Variants in AOPEP observed in about 807,000 individuals in gnomAD.
The protein encoded by AOPEP is aminopeptidase O (putative).
In AOPEP, 77 loss-of-function variants were observed where a neutral mutation model predicts 98.1. The observed-to-expected ratio is 0.78, with a 90% confidence interval of 0.65 to 0.95. The LOEUF (loss-of-function observed/expected upper bound fraction) is 0.95. Among genes scored for constraint, AOPEP ranks in the 40% least tolerant of loss-of-function variants. The probability of loss-of-function intolerance (pLI) is 0.00; values close to 1 mark genes in which losing one functional copy is unlikely to be tolerated. For missense variants in AOPEP, 1,024 were observed against 1,024.7 expected (o/e 1.00, Z 0.01); for synonymous variants, 346 against 365.3 (o/e 0.95, Z 0.60).
the AOPEP span, chr9:95,111,558 G>GTAAT: frequency 6.2e-7 from 1 of 1,614,198 alleles, no homozygotes. Context: ...GCCGACATCA[G>GTAAT]TAATTGCTCT....
At chr9:95,112,196 T>C in the AOPEP span, among the ~76,000 whole-genome samples, 1 of 152,246 alleles carries the variant, frequency 6.6e-6, no homozygotes, top group Non-Finnish European at 1.5e-5. Context: ...ATACTTGTTT[T>C]AAGGGTAGAA....
intron 9 of AOPEP, among the ~76,000 whole-genome samples, chr9:94,967,261 T>C (rs1435556410): frequency 6.6e-6 from 1 of 152,162 alleles, no homozygotes; most frequent in Non-Finnish European, 1.5e-5. Flanking sequence ...GGCAGGGGCT[T>C]GTGAGCCATG....
At chr9:94,790,862 A>C (rs893622341) in intron 3 of AOPEP, among the ~76,000 whole-genome samples, 1 of 151,760 alleles carries the variant, frequency 6.6e-6, no homozygotes, top group African/African-American at 2.4e-5. Context: ...TCACCGACCA[A>C]ATTGGACAAC....
chr9:94,780,266 G>T (rs1287039667), intron 3 of AOPEP, among the ~76,000 whole-genome samples: 1 of 152,138 alleles, frequency 6.6e-6, no homozygotes, highest in Non-Finnish European at 1.5e-5. Flanking sequence ...GTCTGTTGTT[G>T]TGTATCTATT....
chr9:94,806,494 T>A (rs1849290526), intron 5 of AOPEP, among the ~76,000 whole-genome samples: 1 of 152,212 alleles, frequency 6.6e-6, no homozygotes, highest in South Asian at 2.1e-4. Flanking sequence ...GCTGTAGAGA[T>A]GAACAAACAG....
chr9:95,013,067 A>G (rs561905875), intron 13 of AOPEP, among the ~76,000 whole-genome samples: 1 of 150,352 alleles, frequency 6.7e-6, no homozygotes, highest in African/African-American at 2.4e-5. Context: ...ACTGGTCCCA[A>G]CTGTACCACC....
intron 13 of AOPEP, among the ~76,000 whole-genome samples, chr9:95,013,234 T>G (rs2062705276): frequency 6.6e-6 from 1 of 152,124 alleles, no homozygotes; most frequent in African/African-American, 2.4e-5. Flanking sequence ...AAAAGTATTA[T>G]CCTTTTTTGG....
chr9:95,055,070 G>A (rs976028824), intron 13 of AOPEP, among the ~76,000 whole-genome samples: 1 of 152,110 alleles, frequency 6.6e-6, no homozygotes, highest in African/African-American at 2.4e-5. Context: ...GTTTTCAGCA[G>A]CAATTCAAAC....
chr9:94,859,549 A>G (rs946686126), intron 5 of AOPEP, among the ~76,000 whole-genome samples: 1 of 152,238 alleles, frequency 6.6e-6, no homozygotes, highest in Non-Finnish European at 1.5e-5. Flanking sequence ...CATAGAAGGT[A>G]ACATTCACAG....
intron 9 of AOPEP, 64 bp downstream of exon 9, chr9:94,956,079 A>C: frequency 1.1e-6 from 1 of 912,988 alleles, no homozygotes. Context: ...CATGAAGATT[A>C]GATTATGCCA....
chr9:95,045,872 G>A (rs1344574848), intron 13 of AOPEP, among the ~76,000 whole-genome samples: 1 of 152,158 alleles, frequency 6.6e-6, no homozygotes, highest in East Asian at 1.9e-4. Flanking sequence ...TCACGCTGCC[G>A]GCCCCTGCGG....
intron 16 of AOPEP, chr9:95,085,064 A>G: frequency 2.8e-6 from 1 of 353,546 alleles, no homozygotes; most frequent in Non-Finnish European, 5.7e-6. Context: ...TGATTCAAGA[A>G]ATTATACCTC....
Position 94,956,061 on chromosome 9 carries a change from G to T in AOPEP, c.1872+46G>T, listed in dbSNP as rs374331016. The T allele has an allele frequency of 4.1e-5, 46 of 1,112,882 alleles. No homozygotes were observed. The African/African-American group carries it at 6.6e-4, about 16-fold the overall frequency. 68.9% of individuals were successfully genotyped at this position (1,112,882 alleles called of 1,614,324 possible). ...AGTCCATGATGTATGACTGGAGGGG[G>T]TATGGCACATGAAGATTAGATTATG... On this transcript the variant is annotated intron_variant, in intron 9 of 16. Transcript: ENST00000375315.
chr9:94,855,601 C>T (rs369043968), intron 5 of AOPEP, among the ~76,000 whole-genome samples: 14 of 152,164 alleles, frequency 9.2e-5, no homozygotes, highest in East Asian at 7.9e-4. Flanking sequence ...GCAGGAGAAT[C>T]GCTTGAACCT....
chr9:95,104,792 G>A, the AOPEP span, among the ~76,000 whole-genome samples: 5 of 152,246 alleles, frequency 3.3e-5, no homozygotes, highest in South Asian at 2.1e-4. Flanking sequence ...GGGCCACAGG[G>A]TTGGGGAGGA....
At chr9:94,935,305 T>G (rs1352027580) in intron 7 of AOPEP, 1 of 152,338 alleles carries the variant, frequency 6.6e-6, no homozygotes, top group Non-Finnish European at 1.5e-5. Flanking sequence ...TCATGCTTCC[T>G]GTACAACCTG....
intron 4 of AOPEP, among the ~76,000 whole-genome samples, chr9:94,794,026 A>G (rs1042835540): frequency 6.6e-6 from 1 of 152,208 alleles, no homozygotes; most frequent in African/African-American, 2.4e-5. Flanking sequence ...GGAGCACAGG[A>G]CACAAGGAAA....
At chr9:94,853,778 C>T (rs765910779) in intron 5 of AOPEP, among the ~76,000 whole-genome samples, 17 of 152,108 alleles carry the variant, frequency 1.1e-4, no homozygotes, top group Non-Finnish European at 1.8e-4. Flanking sequence ...TTAGCTTTGA[C>T]GTTAACGATG....
chr9:95,143,618 T>C, the AOPEP span, among the ~76,000 whole-genome samples: 10 of 152,228 alleles, frequency 6.6e-5, no homozygotes, highest in Non-Finnish European at 1.2e-4. Flanking sequence ...CATGCCTTCA[T>C]TCTTTTTTTC....
Sources: gnomAD v4.1 joint callset for allele counts (sites outside exome capture counted in the v4.1 genomes callset) on GRCh38, gnomAD v4.1.1 for gene constraint, MANE v1.5 for transcripts, NCBI Gene and HGNC (gene_info 2026-07-23, HGNC 2026-07-21) for gene names.